Variants in RRAGD observed in about 807,000 individuals in gnomAD.
RRAGD encodes ras-related GTP-binding protein D.
Under a neutral mutation model 35.5 loss-of-function variants are expected in RRAGD, and 12 were observed. The observed-to-expected ratio is 0.34, with a 90% confidence interval of 0.22 to 0.55. The LOEUF (loss-of-function observed/expected upper bound fraction) is 0.55, where lower values mean the gene tolerates loss of function less well. Among genes scored for constraint, RRAGD ranks in the 20% least tolerant of loss-of-function variants. RRAGD has a pLI of 0.91. For synonymous variants in RRAGD, 155 were observed against 178.9 expected (o/e 0.87, Z 1.07); for missense variants, 324 against 490.1 (o/e 0.66, Z 3.20).
At chr6:89,394,814 A>G (rs901402752) in intron 1 of RRAGD, among the ~76,000 whole-genome samples, 2 of 152,248 alleles carry the variant, frequency 1.3e-5, no homozygotes, top group Non-Finnish European at 2.9e-5. Flanking sequence ...GGCAAAGTGT[A>G]GGTAGAAGGA....
intron 1 of RRAGD, among the ~76,000 whole-genome samples, chr6:89,400,479 C>T (rs1482812125): frequency 6.6e-6 from 1 of 152,054 alleles, no homozygotes; most frequent in Admixed American, 6.5e-5. Flanking sequence ...AAAATCTTCC[C>T]TCTAATCTCC....
At chr6:89,368,913 A>T (rs773928344) in intron 6 of RRAGD, among the ~76,000 whole-genome samples, 1 of 152,222 alleles carries the variant, frequency 6.6e-6, no homozygotes, top group Non-Finnish European at 1.5e-5. Flanking sequence ...CATTACTAGT[A>T]ATTTGTAAAA....
At chr6:89,373,342 C>T (rs953809921) in intron 5 of RRAGD, among the ~76,000 whole-genome samples, 1 of 152,010 alleles carries the variant, frequency 6.6e-6, no homozygotes, top group African/African-American at 2.4e-5. Flanking sequence ...TCTATTTGGC[C>T]AGGCGCAGTG....
chr6:89,410,706 T>C (rs1310822968), intron 1 of RRAGD, among the ~76,000 whole-genome samples: 1 of 152,268 alleles, frequency 6.6e-6, no homozygotes, highest in Non-Finnish European at 1.5e-5. Flanking sequence ...TTCTGATTCA[T>C]TGAAAGTCGT....
intron 5 of RRAGD, among the ~76,000 whole-genome samples, chr6:89,373,617 CAA>C (rs55767009): frequency 0.061 from 3,978 of 65,624 alleles, 218 homozygotes; most frequent in East Asian, 0.39. Flanking sequence ...GACTCCGTCT[CAA>C]AAAAAAAAAA....
intron 2 of RRAGD, among the ~76,000 whole-genome samples, chr6:89,381,379 C>G (rs1373477681): frequency 6.6e-6 from 1 of 152,106 alleles, no homozygotes; most frequent in African/African-American, 2.4e-5. Flanking sequence ...TTTCTTCTTC[C>G]CATGCCTATA....
chr6:89,411,709 C>A lies in RRAGD; in HGVS notation c.148+137G>T. 2.0e-6 allele frequency: 2 copies of A among 980,238 alleles called. No homozygotes were observed. Among genetic ancestry groups the A allele is most frequent in the Non-Finnish European group, 2.9e-6 (2 of 689,680 alleles). The allele number at this position is 980,238 out of a possible 1,614,324, so 60.7% of individuals were successfully genotyped here. ...AGGTCGGGCTTTTGGCGTCCCTCCCCACCCCAAACCCTCAACTGGACCCGC... is the reference window on the plus strand; with the variant it reads ...AGGTCGGGCTTTTGGCGTCCCTCCCAACCCCAAACCCTCAACTGGACCCGC... On this transcript the variant is annotated intron_variant, in intron 1 of 6. Coordinates refer to ENST00000369415, the MANE Select transcript of RRAGD (RefSeq NM_021244.5). The surrounding 1 kb of genome is among the most constrained non-coding windows in gnomAD (Gnocchi z 5.6).
chr6:89,397,973 C>T (rs1170861330), intron 1 of RRAGD, among the ~76,000 whole-genome samples: 1 of 152,078 alleles, frequency 6.6e-6, no homozygotes. Flanking sequence ...ATGGCGAAAC[C>T]CTGTCTCTAC....
chr6:89,398,540 G>A (rs1769385641), intron 1 of RRAGD, among the ~76,000 whole-genome samples: 1 of 152,208 alleles, frequency 6.6e-6, no homozygotes, highest in South Asian at 2.1e-4. Context: ...ATTTGGATGG[G>A]GTTGAGAGAA....
intron 1 of RRAGD, among the ~76,000 whole-genome samples, chr6:89,403,815 A>AT (rs1302968786): frequency 1.3e-5 from 2 of 150,444 alleles, no homozygotes; most frequent in African/African-American, 2.4e-5. Context: ...TAATTTTTTC[A>AT]TTTTTTTTGT....
rs1416233930 is a variant in RRAGD, at chr6:89,383,053, G to C, written c.445-2686C>G. ...TTGCCTGGGGCTGAGTGTTTCAGGG[G>C]ATCACCTGAGAAAGGGCACAAGGGA... is the stretch of plus-strand genomic sequence containing the variant. On this transcript the variant is annotated intron_variant, in intron 2 of 6. Transcript: ENST00000369415. Among the ~76,000 whole-genome samples, 10 of 152,316 alleles carry C rather than the reference G, an allele frequency of 6.6e-5. No individual in the cohort carries two copies. In the East Asian group the frequency reaches 1.7e-3, roughly 26 times the overall value.
At chr6:89,402,112 A>C (rs1769482172) in intron 1 of RRAGD, among the ~76,000 whole-genome samples, 1 of 134,552 alleles carries the variant, frequency 7.4e-6, no homozygotes, top group Non-Finnish European at 1.5e-5. Context: ...TAGTGGTGCA[A>C]TCTCAGCTCA....
At chr6:89,394,779 C>T (rs770140523) in intron 1 of RRAGD, among the ~76,000 whole-genome samples, 18 of 151,690 alleles carry the variant, frequency 1.2e-4, no homozygotes, top group Admixed American at 3.3e-4. Context: ...CATTTTAAAA[C>T]GGTCCAGAAG....
intron 1 of RRAGD, among the ~76,000 whole-genome samples, chr6:89,405,568 A>G (rs1769563149): frequency 6.6e-6 from 1 of 151,840 alleles, no homozygotes; most frequent in South Asian, 2.1e-4. Context: ...ACAGGCACAC[A>G]AGGACACACG....
In RRAGD at chr6:89,364,745, A is replaced by C. The variant is rs1425374261; in HGVS notation, c.*3311T>G. ...AACAGGGCCAATGAAACAGTGACATACATGTATGGTAAGCAACCTCAGAAA... is the reference window on the plus strand; with the variant it reads ...AACAGGGCCAATGAAACAGTGACATCCATGTATGGTAAGCAACCTCAGAAA... On this transcript the variant is annotated 3_prime_UTR_variant, in exon 7 of 7. Coordinates refer to ENST00000369415, the MANE Select transcript of RRAGD (RefSeq NM_021244.5). 6.6e-6 allele frequency: 1 copy of C among 152,256 alleles called. No homozygotes were observed. Among genetic ancestry groups the C allele is most frequent in the Non-Finnish European group, 1.5e-5 (1 of 68,044 alleles). 9.4% of individuals were successfully genotyped at this position (152,256 alleles called of 1,614,324 possible).
chr6:89,382,231 G>A (rs1036390933), intron 2 of RRAGD, among the ~76,000 whole-genome samples: 1 of 151,706 alleles, frequency 6.6e-6, no homozygotes, highest in African/African-American at 2.4e-5. Flanking sequence ...ACTATGAAGA[G>A]GGAAAAACCG....
intron 1 of RRAGD, among the ~76,000 whole-genome samples, chr6:89,399,352 A>C (rs773624380): frequency 1.3e-5 from 2 of 152,244 alleles, no homozygotes; most frequent in Non-Finnish European, 2.9e-5. Context: ...AAATTCAATC[A>C]TGGGCCACCA....
chr6:89,408,280 T>G (rs560475074), intron 1 of RRAGD, among the ~76,000 whole-genome samples: 1 of 152,312 alleles, frequency 6.6e-6, no homozygotes, highest in Admixed American at 6.5e-5. Flanking sequence ...TGAGCCATGA[T>G]TTCAGTATCA....
chr6:89,391,956 CAAAAA>C (rs5878093), intron 1 of RRAGD, among the ~76,000 whole-genome samples: 1 of 99,158 alleles, frequency 1.0e-5, no homozygotes, highest in African/African-American at 3.8e-5. Flanking sequence ...GACCCTATCT[CAAAAA>C]AAAAAAAAAA....
Sources: allele counts gnomAD v4.1 joint callset (sites outside exome capture counted in the v4.1 genomes callset), GRCh38; gene constraint gnomAD v4.1.1; non-coding constraint Gnocchi (gnomAD v3.1); transcripts MANE v1.5; gene names NCBI Gene and HGNC (gene_info 2026-07-23, HGNC 2026-07-21).